Variants in KLHL29 observed in about 807,000 individuals in gnomAD.
KLHL29 encodes kelch-like protein 29.
Under a neutral mutation model 80.4 loss-of-function variants are expected in KLHL29, and 21 were observed. That is an observed-to-expected ratio of 0.26 (90% CI 0.19 to 0.38). KLHL29 has a LOEUF of 0.38. KLHL29 is among the 10% of genes least tolerant of loss of function. The pLI is 1.00. For synonymous variants in KLHL29, 511 were observed against 526.8 expected (o/e 0.97, Z 0.41); for missense variants, 867 against 1,223.9 (o/e 0.71, Z 4.35).
At chr2:23,501,459 C>T (rs1008773897) in intron 2 of KLHL29, among the ~76,000 whole-genome samples, 1 of 152,072 alleles carries the variant, frequency 6.6e-6, no homozygotes, top group African/African-American at 2.4e-5. Context: ...GCATGGGCAT[C>T]GAGGACAGGA....
In KLHL29 at chr2:23,696,264, G is replaced by A. The variant is rs1421762397; in HGVS notation, c.1925-69G>A. On this transcript the variant is annotated intron_variant, in intron 10 of 13. Coordinates refer to ENST00000486442, the MANE Select transcript of KLHL29 (RefSeq NM_052920.2). This position sits in a 1 kb window ranked among gnomAD's most constrained non-coding sequence, Gnocchi z 5.5. ...AGGTGAAGCCTTCCTCTGCCCCTGGGGCTGGGCCTGCTGACCCCAGGCCCC... is the reference window on the plus strand; with the variant it reads ...AGGTGAAGCCTTCCTCTGCCCCTGGAGCTGGGCCTGCTGACCCCAGGCCCC... The A allele has an allele frequency of 3.3e-6, 5 of 1,509,320 alleles. No individual in the cohort carries two copies. The African/African-American group carries it at 6.9e-5, about 21-fold the overall frequency. 93.5% of individuals were successfully genotyped at this position (1,509,320 alleles called of 1,614,324 possible).
chr2:23,422,940 T>G (rs1267006429), intron 1 of KLHL29, among the ~76,000 whole-genome samples: 1 of 152,264 alleles, frequency 6.6e-6, no homozygotes, highest in Non-Finnish European at 1.5e-5. Flanking sequence ...CCCACACCTC[T>G]GTTGGTGAAA....
rs970609931 is a variant in KLHL29, at chr2:23,647,704, T to C, written c.940+4854T>C. ...ACACCCTGTCCAACAACCCAGTTGC[T>C]CTGGGGACAACGGCCAGCGCTGACT... On this transcript the variant is annotated intron_variant, in intron 5 of 13. Coordinates refer to ENST00000486442, the MANE Select transcript of KLHL29 (RefSeq NM_052920.2). The surrounding 1 kb of genome is among the most constrained non-coding windows in gnomAD (Gnocchi z 4.9). Among the ~76,000 whole-genome samples, 2 of 152,146 alleles carry C rather than the reference T, an allele frequency of 1.3e-5. No individual in the cohort carries two copies. Among genetic ancestry groups the C allele is most frequent in the Non-Finnish European group, 2.9e-5 (2 of 68,032 alleles).
intron 1 of KLHL29, among the ~76,000 whole-genome samples, chr2:23,415,825 T>C (rs1251652138): frequency 6.6e-6 from 1 of 152,106 alleles, no homozygotes; most frequent in Non-Finnish European, 1.5e-5. Flanking sequence ...TAGCCTCCTG[T>C]ATAGCTGGGA....
intron 1 of KLHL29, among the ~76,000 whole-genome samples, chr2:23,434,178 G>A (rs894795046): frequency 3.9e-5 from 6 of 152,112 alleles, no homozygotes; most frequent in East Asian, 3.9e-4. Context: ...AAAATTAGCC[G>A]GGCGTGTTGG....
At chr2:23,611,414 G>T (rs1192255470) in intron 3 of KLHL29, among the ~76,000 whole-genome samples, 2 of 152,172 alleles carry the variant, frequency 1.3e-5, no homozygotes, top group East Asian at 3.9e-4. Context: ...GGACTCTGAA[G>T]GGCTGCACAC....
chr2:23,696,160 A>G lies in KLHL29; in HGVS notation c.1924+27A>G. 2 of 1,544,874 alleles carry G rather than the reference A, an allele frequency of 1.3e-6. No individual in the cohort carries two copies. The highest frequency in any genetic ancestry group is 1.7e-6 in the Non-Finnish European group (2 of 1,142,856). On this transcript the variant is annotated intron_variant, in intron 10 of 13. Transcript: ENST00000486442. This position sits in a 1 kb window ranked among gnomAD's most constrained non-coding sequence, Gnocchi z 5.5. ...TGAGGCCCCCCGGGGTTGGGGCGGG[A>G]CCAGGCATGGGGGTCCCAAGGGGAC...
At chr2:23,638,007 A>G (rs943638175) in intron 3 of KLHL29, among the ~76,000 whole-genome samples, 3 of 149,894 alleles carry the variant, frequency 2.0e-5, no homozygotes, top group East Asian at 2.0e-4. Flanking sequence ...ACACCTGTGC[A>G]TATCCCAGGT....
At chr2:23,526,305 G>C (rs62125402) in intron 2 of KLHL29, among the ~76,000 whole-genome samples, 1 of 152,086 alleles carries the variant, frequency 6.6e-6, no homozygotes, top group Non-Finnish European at 1.5e-5. Context: ...GGAAACCAGA[G>C]CTGTGGTCAG....
At chr2:23,674,355 C>G (rs1670865461) in intron 5 of KLHL29, among the ~76,000 whole-genome samples, 1 of 152,156 alleles carries the variant, frequency 6.6e-6, no homozygotes, top group East Asian at 1.9e-4. Flanking sequence ...GAGTCTGCCT[C>G]TGAAGGAGGA....
intron 2 of KLHL29, among the ~76,000 whole-genome samples, chr2:23,545,861 A>G (rs1709302): frequency 6.6e-6 from 1 of 152,032 alleles, no homozygotes; most frequent in Non-Finnish European, 1.5e-5. Context: ...CAGGTGGGGA[A>G]CACAGCTTTC....
intron 5 of KLHL29, among the ~76,000 whole-genome samples, chr2:23,645,775 G>A (rs1669910389): frequency 6.6e-6 from 1 of 152,054 alleles, no homozygotes; most frequent in Admixed American, 6.6e-5. Context: ...ATTTCAGTTG[G>A]GGCCCTATTA....
chr2:23,454,643 G>A (rs1278412788), intron 1 of KLHL29, among the ~76,000 whole-genome samples: 1 of 152,098 alleles, frequency 6.6e-6, no homozygotes, highest in Non-Finnish European at 1.5e-5. Flanking sequence ...AATCATATCA[G>A]AGGACTGAAT....
intron 2 of KLHL29, among the ~76,000 whole-genome samples, chr2:23,478,994 G>T (rs900757088): frequency 6.7e-6 from 1 of 150,088 alleles, no homozygotes; most frequent in Non-Finnish European, 1.5e-5. Flanking sequence ...TCCCTCCCTC[G>T]TGCCATGGAC....
At position 23,444,118 on chromosome 2, in the gene KLHL29, G is replaced by A. The variant is rs190636341; in HGVS notation, c.-153-31442G>A. On this transcript the variant is annotated intron_variant, in intron 1 of 13. Coordinates refer to ENST00000486442, the MANE Select transcript of KLHL29 (RefSeq NM_052920.2). ...TTTTATTGTTTCAGGCATAGAATCC[G>A]TGATTTTTCTAAAGAATCCTGGTTC... Among the ~76,000 whole-genome samples the A allele has an allele frequency of 1.2e-3, 178 of 152,190 alleles. 1 individual carries two copies. Among genetic ancestry groups the A allele is most frequent in the African/African-American group, 3.7e-3 (155 of 41,540 alleles).
intron 1 of KLHL29, among the ~76,000 whole-genome samples, chr2:23,449,498 G>T (rs1010557997): frequency 1.3e-5 from 2 of 152,180 alleles, no homozygotes; most frequent in East Asian, 3.8e-4. Context: ...GCTTATCTTG[G>T]CTGGGACCTG....
At chr2:23,631,248 C>T (rs1669461691) in intron 3 of KLHL29, among the ~76,000 whole-genome samples, 1 of 152,196 alleles carries the variant, frequency 6.6e-6, no homozygotes, top group Non-Finnish European at 1.5e-5. Context: ...TCTCAGCAGG[C>T]TCGTTTACCC....
At chr2:23,533,269 G>A (rs758333564) in intron 2 of KLHL29, among the ~76,000 whole-genome samples, 2 of 152,264 alleles carry the variant, frequency 1.3e-5, no homozygotes, top group East Asian at 3.9e-4. Flanking sequence ...GCTGCTTGTG[G>A]GCTAGTCCTA....
At chr2:23,594,257 A>G (rs1014012789) in intron 3 of KLHL29, among the ~76,000 whole-genome samples, 2 of 152,070 alleles carry the variant, frequency 1.3e-5, no homozygotes, top group Admixed American at 1.3e-4. Context: ...CAGCGATTTC[A>G]TGGTAAAGCC....
Sources: allele counts gnomAD v4.1 joint callset (sites outside exome capture counted in the v4.1 genomes callset), GRCh38; gene constraint gnomAD v4.1.1; non-coding constraint Gnocchi (gnomAD v3.1); transcripts MANE v1.5; gene names NCBI Gene and HGNC (gene_info 2026-07-23, HGNC 2026-07-21).